SPAG16: variants seen among roughly 807,000 people sequenced by gnomAD.
SPAG16 encodes the protein sperm associated antigen 16.
Under a neutral mutation model 80.4 loss-of-function variants are expected in SPAG16, and 86 were observed. The ratio of observed to expected loss-of-function variants is 1.07; its 90% CI spans 0.90 to 1.28. SPAG16 has a LOEUF of 1.28. SPAG16 is among the 50% of genes most tolerant of loss of function. The pLI, the probability that SPAG16 is intolerant of heterozygous loss-of-function variation, is 0.00. For missense variants in SPAG16, 870 were observed against 765.3 expected, an observed-to-expected ratio of 1.14 and a Z score of -1.61; for synonymous variants, 294 against 265.9, an observed-to-expected ratio of 1.11 and a Z score of -1.03.
intron 9 of SPAG16, among the ~76,000 whole-genome samples, chr2:213,442,840 T>C (rs2071059425): frequency 6.6e-6 from 1 of 152,094 alleles, no homozygotes; most frequent in Admixed American, 6.6e-5. Context: ...CTAGATTACC[T>C]TGGATTTGGT....
chr2:214,379,155 T>C (rs547259375), intron 15 of SPAG16, among the ~76,000 whole-genome samples: 24 of 152,352 alleles, frequency 1.6e-4, no homozygotes, highest in Admixed American at 1.5e-3. Context: ...ACATATACTT[T>C]ACTGCATTCT....
intron 9 of SPAG16, among the ~76,000 whole-genome samples, chr2:213,411,963 G>A (rs1414499027): frequency 6.6e-6 from 1 of 152,086 alleles, no homozygotes; most frequent in Non-Finnish European, 1.5e-5. Context: ...TTAGATATGG[G>A]TTCTAAATTT....
At chr2:213,979,897 T>A (rs1161930939) in intron 12 of SPAG16, among the ~76,000 whole-genome samples, 3 of 152,098 alleles carry the variant, frequency 2.0e-5, no homozygotes, top group Non-Finnish European at 4.4e-5. Flanking sequence ...TTTGCCAGTT[T>A]TTCTTTATCT....
rs138845692 is a variant in SPAG16, at chr2:213,615,484, G to A, written c.1070+125394G>A. Among the ~76,000 whole-genome samples the A allele has an allele frequency of 3.2e-3, 491 of 152,174 alleles. 2 individuals are homozygous for A. Among genetic ancestry groups the A allele is most frequent in the African/African-American group, 0.01 (424 of 41,524 alleles). On this transcript the variant is annotated intron_variant, in intron 10 of 15. Transcript: ENST00000331683. ...CATGCACCTGAAATCCCAGCTACTC[G>A]GGAGGCTGAGGCAGGAAAATCGCTT...
At chr2:213,451,936 C>T (rs1296935842) in intron 9 of SPAG16, among the ~76,000 whole-genome samples, 1 of 151,070 alleles carries the variant, frequency 6.6e-6, no homozygotes, top group Non-Finnish European at 1.5e-5. Context: ...ATACCCCGAC[C>T]CCCACCCCAT....
chr2:213,903,625 A>G (rs927559068), intron 11 of SPAG16, among the ~76,000 whole-genome samples: 1 of 152,112 alleles, frequency 6.6e-6, no homozygotes, highest in African/African-American at 2.4e-5. Flanking sequence ...AACCTCTGAC[A>G]TGCCCTGGAC....
chr2:214,099,194 G>A (rs2052817310), intron 13 of SPAG16, among the ~76,000 whole-genome samples: 1 of 152,072 alleles, frequency 6.6e-6, no homozygotes. Flanking sequence ...AGAGAACACT[G>A]AGTCTTTTCC....
intron 10 of SPAG16, among the ~76,000 whole-genome samples, chr2:213,722,516 C>T (rs1327459402): frequency 6.6e-6 from 1 of 152,024 alleles, no homozygotes; most frequent in Admixed American, 6.5e-5. Context: ...GTATTAGGGC[C>T]TGGTAGTAAA....
chr2:213,781,381 A>G (rs1407624421), intron 10 of SPAG16, among the ~76,000 whole-genome samples: 1 of 152,174 alleles, frequency 6.6e-6, no homozygotes, highest in Non-Finnish European at 1.5e-5. Flanking sequence ...TTACCTTGAT[A>G]AAATAAAAAG....
At chr2:213,352,391 A>G (rs2065382482) in intron 7 of SPAG16, among the ~76,000 whole-genome samples, 1 of 152,000 alleles carries the variant, frequency 6.6e-6, no homozygotes, top group South Asian at 2.1e-4. Flanking sequence ...CTATATCCTG[A>G]GGTATTAGGA....
chr2:213,887,701 T>A lies in SPAG16; in HGVS notation c.1214+25073T>A, dbSNP rs1255289272. Among the ~76,000 whole-genome samples the A allele has an allele frequency of 4.0e-5, 6 of 151,490 alleles. No individual in the cohort carries two copies. The East Asian group carries it at 1.2e-3, about 29-fold the overall frequency. ...AGAGTATGACTAATTTTAATAAAAA[T>A]TTTTAAAATTATATATATATGTTTT... On this transcript the variant is annotated intron_variant, in intron 11 of 15. Transcript: ENST00000331683.
At chr2:213,745,220 T>C (rs1465094900) in intron 10 of SPAG16, among the ~76,000 whole-genome samples, 1 of 152,206 alleles carries the variant, frequency 6.6e-6, no homozygotes, top group Non-Finnish European at 1.5e-5. Context: ...TTCTGATACA[T>C]TCATATTTTA....
intron 13 of SPAG16, among the ~76,000 whole-genome samples, chr2:214,106,817 A>T (rs1241676053): frequency 6.6e-6 from 1 of 152,116 alleles, no homozygotes; most frequent in Non-Finnish European, 1.5e-5. Flanking sequence ...TTCCAGCCAC[A>T]CTGGCTTCCT....
intron 13 of SPAG16, among the ~76,000 whole-genome samples, chr2:214,105,792 G>A (rs755768607): frequency 6.6e-6 from 1 of 152,152 alleles, no homozygotes; most frequent in Non-Finnish European, 1.5e-5. Context: ...AGACTAGAAT[G>A]TTAGTAACCC....
intron 10 of SPAG16, among the ~76,000 whole-genome samples, chr2:213,703,034 A>G (rs577848368): frequency 3.9e-5 from 6 of 152,340 alleles, no homozygotes; most frequent in Non-Finnish European, 7.4e-5. Flanking sequence ...TGAAATGTCC[A>G]TAGAAGTGGA....
chr2:214,144,746 T>G (rs973562557), intron 14 of SPAG16, among the ~76,000 whole-genome samples: 2 of 152,172 alleles, frequency 1.3e-5, no homozygotes, highest in East Asian at 3.9e-4. Flanking sequence ...TATTGTTCAG[T>G]AAATTGACTT....
At chr2:214,209,458 G>T (rs2058230966) in intron 15 of SPAG16, among the ~76,000 whole-genome samples, 1 of 152,118 alleles carries the variant, frequency 6.6e-6, no homozygotes, top group South Asian at 2.1e-4. Flanking sequence ...CAAATACCCT[G>T]GGAAAACTAT....
chr2:213,983,878 G>A (rs1472997455), intron 12 of SPAG16, among the ~76,000 whole-genome samples: 1 of 152,008 alleles, frequency 6.6e-6, no homozygotes, highest in African/African-American at 2.4e-5. Context: ...CATAGGGCAT[G>A]ATAGTAATAT....
At chr2:214,141,356 A>G (rs1243997431) in intron 14 of SPAG16, among the ~76,000 whole-genome samples, 2 of 151,660 alleles carry the variant, frequency 1.3e-5, no homozygotes, top group Admixed American at 6.6e-5. Flanking sequence ...AATCCCAGCT[A>G]CTCAGGAGGC....
Sources: allele counts gnomAD v4.1 joint callset (sites outside exome capture counted in the v4.1 genomes callset), GRCh38; gene constraint gnomAD v4.1.1; transcripts MANE v1.5; gene names NCBI Gene and HGNC (gene_info 2026-07-23, HGNC 2026-07-21).